Variants in HORMAD2 observed in about 807,000 individuals in gnomAD.
The protein encoded by HORMAD2 is HORMA domain containing 2, also known as HORMA domain-containing protein 2.
Under a neutral mutation model 38.8 loss-of-function variants are expected in HORMAD2, and 45 were observed. The ratio of observed to expected loss-of-function variants is 1.16; its 90% CI spans 0.91 to 1.49. HORMAD2 has a LOEUF of 1.49. Among genes scored for constraint, HORMAD2 ranks in the 40% most tolerant of loss-of-function variants. HORMAD2 has a pLI of 0.00. For missense variants in HORMAD2, 338 were observed against 367.0 expected, an observed-to-expected ratio of 0.92 and a Z score of 0.65; for synonymous variants, 126 against 122.8, an observed-to-expected ratio of 1.03 and a Z score of -0.17.
intron 3 of HORMAD2, among the ~76,000 whole-genome samples, chr22:30,101,124 A>G (rs1345913269): frequency 2.0e-5 from 3 of 152,270 alleles, no homozygotes; most frequent in Admixed American, 6.5e-5. Context: ...TTATAAAGAC[A>G]CATGCACACA....
At chr22:30,086,897 C>T (rs907428680) in intron 1 of HORMAD2, among the ~76,000 whole-genome samples, 4 of 152,276 alleles carry the variant, frequency 2.6e-5, no homozygotes, top group East Asian at 3.9e-4. Context: ...TGGGTTCAAG[C>T]GATTCTCCTG....
intron 3 of HORMAD2, 24 bp downstream of exon 3, chr22:30,099,017 T>C (rs1260906072): frequency 6.3e-7 from 1 of 1,596,976 alleles, no homozygotes. Flanking sequence ...AACTAGTCTC[T>C]TTGGCTGTTG....
chr22:30,109,149 C>T (rs1015040081), intron 5 of HORMAD2, among the ~76,000 whole-genome samples: 59 of 151,652 alleles, frequency 3.9e-4, no homozygotes, highest in Non-Finnish European at 6.3e-4. Context: ...CTCAGCCTCC[C>T]GAGTAGCTGG....
At chr22:30,109,174 G>A (rs1355100831) in intron 5 of HORMAD2, among the ~76,000 whole-genome samples, 3 of 150,062 alleles carry the variant, frequency 2.0e-5, no homozygotes, top group Non-Finnish European at 4.4e-5. Context: ...ACAGGTGCCT[G>A]CCACTACACC....
At chr22:30,195,835 C>T in the HORMAD2 span, among the ~76,000 whole-genome samples, 140,032 of 152,246 alleles carry the variant, frequency 0.92, 64,488 homozygotes, top group East Asian at 1. Flanking sequence ...TAAAGGCTCA[C>T]ATTGGCTTTG....
At chr22:30,156,473 C>T (rs1217799157) in intron 10 of HORMAD2, among the ~76,000 whole-genome samples, 2 of 152,176 alleles carry the variant, frequency 1.3e-5, no homozygotes, top group East Asian at 1.9e-4. Context: ...GATTTCTTCA[C>T]ATTTTTTCAT....
chr22:30,116,986 T>C (rs1171101336), intron 7 of HORMAD2, among the ~76,000 whole-genome samples: 2 of 152,248 alleles, frequency 1.3e-5, no homozygotes, highest in Admixed American at 1.3e-4. Context: ...GCTCCTCTAA[T>C]CTCATCTGTC....
At chr22:30,108,217 A>C (rs1921350998) in intron 5 of HORMAD2, among the ~76,000 whole-genome samples, 1 of 152,112 alleles carries the variant, frequency 6.6e-6, no homozygotes, top group Non-Finnish European at 1.5e-5. Context: ...TCGCATTCTC[A>C]ATCCCTCACC....
intron 10 of HORMAD2, among the ~76,000 whole-genome samples, chr22:30,134,117 G>T (rs775860315): frequency 1.6e-3 from 239 of 152,176 alleles, no homozygotes; most frequent in Non-Finnish European, 1.6e-3. Flanking sequence ...GTTCTACTGG[G>T]GCCAGGTGTG....
intron 10 of HORMAD2, among the ~76,000 whole-genome samples, chr22:30,146,622 A>C (rs1164950952): frequency 1.3e-5 from 2 of 152,244 alleles, no homozygotes; most frequent in Non-Finnish European, 2.9e-5. Context: ...TGAAAGATTA[A>C]ACACTTTGCA....
chr22:30,165,753 A>G (rs5753030), intron 10 of HORMAD2, among the ~76,000 whole-genome samples: 6,170 of 152,120 alleles, frequency 0.041, 359 homozygotes, highest in South Asian at 0.22. Context: ...TAGTCTGCCA[A>G]TTCCCTGGTA....
chr22:30,119,955 A>G (rs898757827), intron 8 of HORMAD2, among the ~76,000 whole-genome samples: 1 of 152,208 alleles, frequency 6.6e-6, no homozygotes, highest in Non-Finnish European at 1.5e-5. Flanking sequence ...GAATTAAAAT[A>G]TTACCTTTTA....
intron 10 of HORMAD2, among the ~76,000 whole-genome samples, chr22:30,139,200 T>C (rs1923882696): frequency 6.8e-6 from 1 of 147,404 alleles, no homozygotes; most frequent in Non-Finnish European, 1.5e-5. Context: ...GCCTCCATAA[T>C]TGGATAAGCC....
intron 10 of HORMAD2, among the ~76,000 whole-genome samples, chr22:30,130,729 T>G (rs1428125574): frequency 6.6e-6 from 1 of 151,608 alleles, no homozygotes; most frequent in Non-Finnish European, 1.5e-5. Flanking sequence ...TAACTGGGAC[T>G]ACAGGGGCGT....
intron 6 of HORMAD2, 58 bp downstream of exon 6, chr22:30,111,874 A>G: frequency 1.5e-6 from 2 of 1,373,548 alleles, no homozygotes; most frequent in Non-Finnish European, 2.0e-6. Flanking sequence ...GTCTTTTGGC[A>G]AGTGAAACAT....
At chr22:30,170,551 T>TAA (rs745475047) in intron 10 of HORMAD2, among the ~76,000 whole-genome samples, 12 of 152,176 alleles carry the variant, frequency 7.9e-5, no homozygotes, top group Non-Finnish European at 1.8e-4. Flanking sequence ...GCATAATACC[T>TAA]AACCATAAGA....
At chr22:30,205,072 G>T in the HORMAD2 span, among the ~76,000 whole-genome samples, 6 of 152,206 alleles carry the variant, frequency 3.9e-5, no homozygotes, top group Non-Finnish European at 7.4e-5. Flanking sequence ...TGTGAGGCGG[G>T]CAGTTGAGCG....
chr22:30,175,543 C>A (rs544970238), intron 10 of HORMAD2, among the ~76,000 whole-genome samples: 81 of 151,600 alleles, frequency 5.3e-4, no homozygotes, highest in African/African-American at 1.9e-3. Flanking sequence ...AACTCAATGG[C>A]AAAATATATA....
At chr22:30,162,867 T>G (rs2146218616) in intron 10 of HORMAD2, among the ~76,000 whole-genome samples, 1 of 152,176 alleles carries the variant, frequency 6.6e-6, no homozygotes, top group Non-Finnish European at 1.5e-5. Context: ...CATGCCTGGC[T>G]AATTTTGGTA....
Sources: gnomAD v4.1 joint callset for allele counts (sites outside exome capture counted in the v4.1 genomes callset) on GRCh38, gnomAD v4.1.1 for gene constraint, MANE v1.5 for transcripts, NCBI Gene and HGNC (gene_info 2026-07-23, HGNC 2026-07-21) for gene names.